Variants in ST3GAL3 observed in about 807,000 individuals in gnomAD.
ST3GAL3 encodes the protein CMP-N-acetylneuraminate-beta-1,4-galactoside alpha-2,3-sialyltransferase.
In ST3GAL3, 21 loss-of-function variants were observed where a neutral mutation model predicts 50.1. The ratio of observed to expected loss-of-function variants is 0.42; its 90% CI spans 0.30 to 0.60. The LOEUF (loss-of-function observed/expected upper bound fraction) is 0.60, where lower values mean the gene tolerates loss of function less well. Among genes scored for constraint, ST3GAL3 ranks in the 20% least tolerant of loss-of-function variants. The probability of loss-of-function intolerance (pLI) is 0.19; values close to 1 mark genes in which losing one functional copy is unlikely to be tolerated. For synonymous variants in ST3GAL3, 183 were observed against 190.0 expected, an observed-to-expected ratio of 0.96 and a Z score of 0.30; for missense variants, 353 against 489.4, an observed-to-expected ratio of 0.72 and a Z score of 2.63.
intron 9 of ST3GAL3, among the ~76,000 whole-genome samples, chr1:43,904,688 G>A (rs1409641470): frequency 6.8e-6 from 1 of 146,998 alleles, no homozygotes; most frequent in Non-Finnish European, 1.5e-5. Flanking sequence ...TCCCCTTCCC[G>A]TCACTCTTCC....
intron 3 of ST3GAL3, among the ~76,000 whole-genome samples, chr1:43,797,683 C>T (rs1276467825): frequency 6.6e-6 from 1 of 152,192 alleles, no homozygotes; most frequent in Non-Finnish European, 1.5e-5. Context: ...AAACATCATA[C>T]TTTATGGTAA....
At chr1:43,712,043 G>C (rs151150839) in intron 1 of ST3GAL3, among the ~76,000 whole-genome samples, 12 of 152,266 alleles carry the variant, frequency 7.9e-5, no homozygotes, top group South Asian at 2.1e-4. Context: ...AACAGATTTG[G>C]GTTCAGATCT....
rs71036638 is a variant in ST3GAL3, at chr1:43,744,655, A to AAAATAAAT, written c.118+8303_118+8310dup. 7.0e-3 allele frequency among the ~76,000 whole-genome samples: 984 copies of AAAATAAAT among 140,952 alleles called. 8 individuals carry two copies. Among genetic ancestry groups the AAAATAAAT allele is most frequent in the East Asian group, 0.024 (119 of 4,886 alleles). 92.5% of individuals were successfully genotyped at this position (140,952 alleles called of 152,430 possible). A position where few individuals can be genotyped will look rare whatever the true frequency, so the allele number is the denominator to read the frequency against. On this transcript the variant is annotated intron_variant, in intron 2 of 11. Coordinates refer to ENST00000347631, the MANE Select transcript of ST3GAL3 (RefSeq NM_006279.5). ...GGGACAGAGCGAGACTCCCTCTCAA[A>AAAATAAAT]AAATAAATAAATAAATAAATAAATA...
In ST3GAL3 at chr1:43,920,549, G is replaced by A; in HGVS notation, c.890G>A (p.Gly297Glu). 6.2e-7 allele frequency: 1 copy of A among 1,614,032 alleles called. No homozygotes were observed. The highest frequency in any genetic ancestry group is 8.5e-7 in the Non-Finnish European group (1 of 1,179,868). ...TTCAACAATGGCCTCATGGGCCGGG[G>A]GGTGAGATATCTGGGCCCTGGGAGA... ...LPFNNGLMGR[G>E]NIPTLGSVAV... Residue 297 changes from glycine (G) to glutamate (E), a missense_variant and splice_region_variant, in exon 10 of 12, where the codon GGG becomes GAG. Coordinates refer to ENST00000347631, the MANE Select transcript of ST3GAL3 (RefSeq NM_006279.5).
intron 2 of ST3GAL3, among the ~76,000 whole-genome samples, chr1:43,742,882 C>T: frequency 6.6e-6 from 1 of 152,016 alleles, no homozygotes; most frequent in Non-Finnish European, 1.5e-5. Context: ...GTCTGAACCA[C>T]AGAAAGAAAG....
rs188139762 is a variant in ST3GAL3 at position 43,728,618 on chromosome 1, A to G, written c.-30-7615A>G. 5.3e-5 allele frequency among the ~76,000 whole-genome samples: 8 copies of G among 152,292 alleles called. 1 individual carries two copies. Among genetic ancestry groups the G allele is most frequent in the Non-Finnish European group, 5.9e-5 (4 of 68,020 alleles). On this transcript the variant is annotated intron_variant, in intron 1 of 11. Coordinates refer to ENST00000347631, the MANE Select transcript of ST3GAL3 (RefSeq NM_006279.5). ...AAAATTTTAGTAGCTGGGCGTGGTGACACGTGCCTATGGTCCTACCTACTT... is the reference window on the plus strand; with the variant it reads ...AAAATTTTAGTAGCTGGGCGTGGTGGCACGTGCCTATGGTCCTACCTACTT...
intron 4 of ST3GAL3, among the ~76,000 whole-genome samples, chr1:43,816,200 C>A (rs562455386): frequency 7.0e-4 from 106 of 152,296 alleles, no homozygotes; most frequent in African/African-American, 2.4e-3. Context: ...ACCTTTTCCA[C>A]AGTTGACTCT....
chr1:43,890,832 C>T lies in ST3GAL3; in HGVS notation c.303-3551C>T, dbSNP rs1401446201. Reference sequence around the variant, plus strand: ...CCAGGAGTTTGGGATTACAGTGAGCCGTGTTCATGCCACTGCACTCCAGCC... The same window carrying T: ...CCAGGAGTTTGGGATTACAGTGAGCTGTGTTCATGCCACTGCACTCCAGCC... On this transcript the variant is annotated intron_variant, in intron 5 of 11. Transcript: ENST00000347631. Among the ~76,000 whole-genome samples, 8 of 151,936 alleles carry T rather than the reference C, an allele frequency of 5.3e-5. No homozygotes were observed. In the South Asian group the frequency reaches 6.2e-4, roughly 12 times the overall value.
intron 3 of ST3GAL3, among the ~76,000 whole-genome samples, chr1:43,808,659 G>A (rs1174536117): frequency 6.6e-6 from 1 of 152,168 alleles, no homozygotes; most frequent in African/African-American, 2.4e-5. Context: ...TAACAGTTGA[G>A]CATTTGAGGA....
intron 2 of ST3GAL3, chr1:43,772,283 G>A (rs893742850): frequency 6.5e-5 from 22 of 336,758 alleles, no homozygotes; most frequent in African/African-American, 4.7e-4. Flanking sequence ...CCTGACCTGA[G>A]GTGATCCGCC....
At chr1:43,916,301 A>G (rs748661243) in intron 9 of ST3GAL3, among the ~76,000 whole-genome samples, 2 of 152,244 alleles carry the variant, frequency 1.3e-5, no homozygotes, top group Non-Finnish European at 2.9e-5. Flanking sequence ...ATGAAAGATG[A>G]TAAGACCTGC....
At chr1:43,718,113 T>C (rs959232441) in intron 1 of ST3GAL3, among the ~76,000 whole-genome samples, 2 of 151,660 alleles carry the variant, frequency 1.3e-5, no homozygotes, top group African/African-American at 4.8e-5. Context: ...CCTCAGGTGA[T>C]CTGCCTGCCT....
intron 11 of ST3GAL3, among the ~76,000 whole-genome samples, chr1:43,922,977 T>C (rs2083310606): frequency 6.6e-6 from 1 of 151,726 alleles, no homozygotes; most frequent in Admixed American, 6.6e-5. Flanking sequence ...GGCAGGTGCC[T>C]GTAGTCCCAG....
intron 5 of ST3GAL3, chr1:43,879,273 G>A (rs775520392): frequency 1.8e-5 from 8 of 456,126 alleles, no homozygotes; most frequent in African/African-American, 6.0e-5. Context: ...GAGGATCTGG[G>A]GTGAGGTGAG....
At chr1:43,778,773 G>A (rs1213954058) in intron 2 of ST3GAL3, among the ~76,000 whole-genome samples, 1 of 148,100 alleles carries the variant, frequency 6.8e-6, no homozygotes, top group Non-Finnish European at 1.5e-5. Context: ...AGCCTCCCGA[G>A]TAGCTGGGAC....
At chr1:43,717,405 A>G (rs1310948931) in intron 1 of ST3GAL3, among the ~76,000 whole-genome samples, 1 of 152,222 alleles carries the variant, frequency 6.6e-6, no homozygotes, top group Non-Finnish European at 1.5e-5. Context: ...GATAAACAAT[A>G]TGGAACTACT....
At chr1:43,816,143 C>G (rs1317422672) in intron 4 of ST3GAL3, among the ~76,000 whole-genome samples, 1 of 152,166 alleles carries the variant, frequency 6.6e-6, no homozygotes, top group Non-Finnish European at 1.5e-5. Flanking sequence ...AGGCGGACAT[C>G]ATGAAGGATC....
chr1:43,736,118 G>A (rs1678298632), intron 1 of ST3GAL3, 115 bp from the exon 2 acceptor site: 2 of 1,009,698 alleles, frequency 2.0e-6, no homozygotes, highest in Non-Finnish European at 3.0e-6. Context: ...TGATATGAAA[G>A]TGATAACTCT....
intron 1 of ST3GAL3, among the ~76,000 whole-genome samples, chr1:43,725,470 A>G (rs992960956): frequency 6.6e-6 from 1 of 152,064 alleles, no homozygotes; most frequent in African/African-American, 2.4e-5. Context: ...AAGTGCTGGG[A>G]TTACAGCATG....
Sources: gnomAD v4.1 joint callset for allele counts (sites outside exome capture counted in the v4.1 genomes callset) on GRCh38, gnomAD v4.1.1 for gene constraint, MANE v1.5 for transcripts, NCBI Gene and HGNC (gene_info 2026-07-23, HGNC 2026-07-21) for gene names.